Variants in NALF1 observed in about 807,000 individuals in gnomAD.
The protein encoded by NALF1 is family with sequence similarity 155 member A.
Under a neutral mutation model 48.4 loss-of-function variants are expected in NALF1, and 3 were observed. The observed-to-expected ratio is 0.06, with a 90% CI of 0.03 to 0.16. NALF1 has a LOEUF of 0.16. Among genes scored for constraint, NALF1 ranks in the 10% least tolerant of loss-of-function variants. NALF1 has a pLI of 1.00. For missense variants in NALF1, 526 were observed against 571.5 expected, an observed-to-expected ratio of 0.92 and a Z score of 0.81; for synonymous variants, 262 against 245.7, an observed-to-expected ratio of 1.07 and a Z score of -0.62.
intron 1 of NALF1, among the ~76,000 whole-genome samples, chr13:107,677,413 C>G (rs746819986): frequency 2.0e-5 from 3 of 152,162 alleles, no homozygotes; most frequent in Admixed American, 1.3e-4. Flanking sequence ...ATATCAGGAG[C>G]CTTAATAAGG....
At chr13:107,753,471 G>T (rs1876998189) in intron 1 of NALF1, among the ~76,000 whole-genome samples, 1 of 150,522 alleles carries the variant, frequency 6.6e-6, no homozygotes, top group Non-Finnish European at 1.5e-5. Context: ...TAGTGTGTTT[G>T]GTCATAACAA....
intron 1 of NALF1, among the ~76,000 whole-genome samples, chr13:107,749,844 G>C (rs1294165501): frequency 6.6e-6 from 1 of 151,918 alleles, no homozygotes; most frequent in Non-Finnish European, 1.5e-5. Flanking sequence ...GTTTGAGACA[G>C]AGTCTTGCTC....
chr13:107,229,757 G>C (rs1251518132), intron 1 of NALF1, among the ~76,000 whole-genome samples: 1 of 152,168 alleles, frequency 6.6e-6, no homozygotes, highest in African/African-American at 2.4e-5. Flanking sequence ...GGTTTTGAAG[G>C]AGGTTTCTCC....
chr13:107,470,765 T>C (rs1474310338), intron 1 of NALF1, among the ~76,000 whole-genome samples: 1 of 152,068 alleles, frequency 6.6e-6, no homozygotes, highest in African/African-American at 2.4e-5. Context: ...TGTTTTGGAG[T>C]CAGATAATGA....
intron 1 of NALF1, among the ~76,000 whole-genome samples, chr13:107,627,892 T>C (rs975263144): frequency 6.6e-6 from 1 of 152,118 alleles, no homozygotes; most frequent in African/African-American, 2.4e-5. Context: ...TAGGAATGCC[T>C]TGTAAAGGTT....
In NALF1 at chr13:107,298,351, C is replaced by CAAAAAAAAAAAAAAAA. The variant is rs1192707023; in HGVS notation, c.916-87612_916-87597dup. Among the ~76,000 whole-genome samples the CAAAAAAAAAAAAAAAA allele has an allele frequency of 2.4e-4, 4 of 16,626 alleles. 1 individual carries two copies. The highest frequency in any genetic ancestry group is 4.3e-4 in the Non-Finnish European group (4 of 9,336). 10.9% of individuals were successfully genotyped at this position (16,626 alleles called of 152,430 possible). A position where few individuals can be genotyped will look rare whatever the true frequency, so the allele number is the denominator to read the frequency against. On this transcript the variant is annotated intron_variant, in intron 1 of 2. Transcript: ENST00000375915. ...GGCGACAGAGAGAGAGACTCCATCT[C>CAAAAAAAAAAAAAAAA]AAAAAAAAAAAAAAAAAAAAAAAAA... is the stretch of plus-strand genomic sequence containing the variant.
At chr13:107,663,713 C>T (rs375787679) in intron 1 of NALF1, among the ~76,000 whole-genome samples, 2 of 152,222 alleles carry the variant, frequency 1.3e-5, no homozygotes, top group African/African-American at 4.8e-5. Context: ...ATGTCATCAC[C>T]TCATTACCAA....
chr13:107,379,377 A>G (rs909575288), intron 1 of NALF1, among the ~76,000 whole-genome samples: 6 of 152,166 alleles, frequency 3.9e-5, no homozygotes, highest in Non-Finnish European at 5.9e-5. Flanking sequence ...ACTCTCCATT[A>G]GTTTCTCAAA....
intron 1 of NALF1, among the ~76,000 whole-genome samples, chr13:107,243,083 T>A (rs1880508782): frequency 6.6e-6 from 1 of 152,094 alleles, no homozygotes; most frequent in Non-Finnish European, 1.5e-5. Flanking sequence ...TTTCAAGCCC[T>A]TCCTGTCCAC....
intron 1 of NALF1, among the ~76,000 whole-genome samples, chr13:107,473,745 C>A (rs1885135837): frequency 6.6e-6 from 1 of 152,166 alleles, no homozygotes; most frequent in Non-Finnish European, 1.5e-5. Flanking sequence ...CTGCTCCCTG[C>A]CCCAATGGTT....
intron 1 of NALF1, among the ~76,000 whole-genome samples, chr13:107,347,575 C>G (rs1023465684): frequency 1.3e-4 from 20 of 152,192 alleles, no homozygotes; most frequent in South Asian, 4.1e-4. Context: ...CACGGGCAGT[C>G]TATCCAGCCA....
chr13:107,274,807 C>T (rs73584912), intron 1 of NALF1, among the ~76,000 whole-genome samples: 190 of 152,092 alleles, frequency 1.2e-3, no homozygotes, highest in African/African-American at 4.2e-3. Context: ...AGAATACTGA[C>T]AGGGAGATCA....
At chr13:107,456,583 C>T (rs879707458) in intron 1 of NALF1, among the ~76,000 whole-genome samples, 3 of 152,100 alleles carry the variant, frequency 2.0e-5, no homozygotes, top group Non-Finnish European at 2.9e-5. Context: ...CTTTCCCACC[C>T]TTTGTGGTTT....
chr13:107,662,414 T>C (rs1158886396), intron 1 of NALF1, among the ~76,000 whole-genome samples: 1 of 152,214 alleles, frequency 6.6e-6, no homozygotes, highest in East Asian at 1.9e-4. Flanking sequence ...TTTAGCAGAC[T>C]TTTAAAAGTA....
chr13:107,543,667 G>A (rs1160016909), intron 1 of NALF1, among the ~76,000 whole-genome samples: 2 of 151,896 alleles, frequency 1.3e-5, no homozygotes, highest in African/African-American at 2.4e-5. Flanking sequence ...GCATATAGAT[G>A]TGTGGGTATA....
chr13:107,340,046 C>G (rs1324531546), intron 1 of NALF1, among the ~76,000 whole-genome samples: 1 of 152,098 alleles, frequency 6.6e-6, no homozygotes, highest in Non-Finnish European at 1.5e-5. Flanking sequence ...GTAAAAACTG[C>G]TAAAATAAAG....
intron 1 of NALF1, among the ~76,000 whole-genome samples, chr13:107,485,205 G>T (rs1472408878): frequency 6.6e-6 from 1 of 152,120 alleles, no homozygotes; most frequent in African/African-American, 2.4e-5. Context: ...TGATTGTTTT[G>T]GAGATGAAGA....
intron 1 of NALF1, among the ~76,000 whole-genome samples, chr13:107,584,275 T>C (rs2138412747): frequency 6.6e-6 from 1 of 152,264 alleles, no homozygotes; most frequent in Non-Finnish European, 1.5e-5. Flanking sequence ...TCACAGTTAT[T>C]TAAGAGATTT....
In NALF1 at chr13:107,168,758, G is replaced by GC. The variant is rs1375631901; in HGVS notation, c.*1738dup. 1 of 152,322 alleles carries GC rather than the reference G, an allele frequency of 6.6e-6. No individual in the cohort carries two copies. Among genetic ancestry groups the GC allele is most frequent in the Non-Finnish European group, 1.5e-5 (1 of 67,994 alleles). 9.4% of individuals were successfully genotyped at this position (152,322 alleles called of 1,614,324 possible). On this transcript the variant is annotated 3_prime_UTR_variant, in exon 3 of 3. Coordinates refer to ENST00000375915, the MANE Select transcript of NALF1 (RefSeq NM_001080396.3). Reference sequence around the variant, plus strand: ...AAAATATGCATACTGTACGCATGTCGCAGGGTTAAGTATGATGCAGAGGTT... The same window carrying GC: ...AAAATATGCATACTGTACGCATGTCGCCAGGGTTAAGTATGATGCAGAGGTT...
Sources: allele counts gnomAD v4.1 joint callset (sites outside exome capture counted in the v4.1 genomes callset), GRCh38; gene constraint gnomAD v4.1.1; transcripts MANE v1.5; gene names NCBI Gene and HGNC (gene_info 2026-07-23, HGNC 2026-07-21).